Variants in RNF145 observed in about 807,000 individuals in gnomAD.
RNF145 encodes ring finger protein 145.
RNF145 carries 12 observed loss-of-function variants against 57.3 expected under a neutral mutation model. The ratio of observed to expected loss-of-function variants is 0.21; its 90% CI spans 0.13 to 0.34. The LOEUF (loss-of-function observed/expected upper bound fraction) is 0.34, where lower values mean the gene tolerates loss of function less well. RNF145 is among the 10% of genes least tolerant of loss of function. RNF145 has a pLI of 1.00. For missense variants in RNF145, 429 were observed against 799.0 expected (o/e 0.54, Z 5.58); for synonymous variants, 262 against 288.3 (o/e 0.91, Z 0.92).
At chr5:159,208,228 C>A (rs1785971301) in intron 1 of RNF145, 2 of 1,099,876 alleles carry the variant, frequency 1.8e-6, no homozygotes, top group African/African-American at 1.6e-5. Flanking sequence ...AGCAACCGGG[C>A]CGCCGCCGCC....
chr5:159,195,233 C>G (rs757985448), intron 2 of RNF145, among the ~76,000 whole-genome samples: 3 of 152,118 alleles, frequency 2.0e-5, no homozygotes, highest in Non-Finnish European at 2.9e-5. Context: ...TTTCTCCAAC[C>G]CCTGAAGACT....
At chr5:159,205,689 TA>T (rs1785854208) in intron 1 of RNF145, among the ~76,000 whole-genome samples, 4 of 152,222 alleles carry the variant, frequency 2.6e-5, no homozygotes. Flanking sequence ...TGACAGTCTT[TA>T]TACTGCCATC....
chr5:159,160,637 T>C (rs1207689399), intron 10 of RNF145, among the ~76,000 whole-genome samples: 4 of 152,234 alleles, frequency 2.6e-5, no homozygotes, highest in South Asian at 2.1e-4. Context: ...TGTTGTTTTA[T>C]TTCCAAAGTG....
At chr5:159,192,764 C>T (rs968228420) in intron 3 of RNF145, among the ~76,000 whole-genome samples, 6 of 152,148 alleles carry the variant, frequency 3.9e-5, no homozygotes, top group Non-Finnish European at 7.3e-5. Flanking sequence ...AAATGACACC[C>T]AAGGTTATGG....
chr5:159,188,735 A>C (rs1159867545), intron 3 of RNF145, among the ~76,000 whole-genome samples: 1 of 152,200 alleles, frequency 6.6e-6, no homozygotes, highest in Non-Finnish European at 1.5e-5. Flanking sequence ...CTGACATTTA[A>C]TTCTTCCAAA....
chr5:159,164,038 G>A (rs541281369), intron 8 of RNF145, among the ~76,000 whole-genome samples: 1 of 152,140 alleles, frequency 6.6e-6, no homozygotes, highest in Non-Finnish European at 1.5e-5. Flanking sequence ...ATCTCAAAGA[G>A]ACACAAATAA....
intron 2 of RNF145, among the ~76,000 whole-genome samples, chr5:159,200,351 G>A (rs1372539088): frequency 1.3e-5 from 2 of 152,056 alleles, no homozygotes; most frequent in African/African-American, 4.8e-5. Context: ...ATAAGACAGC[G>A]TGTTAATAGT....
At chr5:159,209,560 C>T (rs1786037867), upstream of RNF145, 4 of 991,794 alleles carry the variant, frequency 4.0e-6, no homozygotes, top group Admixed American at 6.1e-5. Context: ...CTGCGGCGGC[C>T]GCGGCCCGAC....
chr5:159,163,969 T>G (rs1423900599), intron 8 of RNF145, among the ~76,000 whole-genome samples: 1 of 152,178 alleles, frequency 6.6e-6, no homozygotes, highest in African/African-American at 2.4e-5. Flanking sequence ...TACAAAAAAA[T>G]TTAAGCTGTT....
At chr5:159,170,979 G>A (rs1268878664) in intron 6 of RNF145, among the ~76,000 whole-genome samples, 1 of 152,118 alleles carries the variant, frequency 6.6e-6, no homozygotes, top group Admixed American at 6.5e-5. Context: ...ATCAATGCTT[G>A]TCCCTTACTA....
rs1240677244 is a variant in RNF145 at position 159,165,517 on chromosome 5, C to A, written c.1122-2438G>T. Among the ~76,000 whole-genome samples, 5 of 35,374 alleles carry A rather than the reference C, an allele frequency of 1.4e-4. 2 individuals are homozygous for A. The East Asian group carries it at 2.2e-3, about 15-fold the overall frequency. 23.2% of individuals were successfully genotyped at this position (35,374 alleles called of 152,430 possible). A position where few individuals can be genotyped will look rare whatever the true frequency, so the allele number is the denominator to read the frequency against. On this transcript the variant is annotated intron_variant, in intron 8 of 10. Coordinates refer to ENST00000424310, the MANE Select transcript of RNF145 (RefSeq NM_001199383.2). Reference sequence around the variant, plus strand: ...CTAAAACGGTGAAACCCCGTCTCTACTAAAAATACAAAAAAATTAGCCGGG... The same window carrying A: ...CTAAAACGGTGAAACCCCGTCTCTAATAAAAATACAAAAAAATTAGCCGGG...
intron 6 of RNF145, 107 bp downstream of exon 6, chr5:159,173,876 A>G (rs1248045527): frequency 9.3e-6 from 7 of 755,392 alleles, no homozygotes; most frequent in Non-Finnish European, 1.4e-5. Flanking sequence ...CAAAATACGA[A>G]GTTGTGTAAC....
chr5:159,164,092 G>A (rs1784318870), intron 8 of RNF145, among the ~76,000 whole-genome samples: 1 of 152,142 alleles, frequency 6.6e-6, no homozygotes, highest in South Asian at 2.1e-4. Flanking sequence ...TAGTCAGGAA[G>A]TAAAAGTTAC....
intron 1 of RNF145, chr5:159,208,141 C>A (rs1785965217): frequency 1.4e-6 from 2 of 1,423,666 alleles, no homozygotes; most frequent in East Asian, 5.2e-5. Flanking sequence ...ACAACGCCTG[C>A]AGATCTCAGA....
At chr5:159,169,196 A>G (rs1584669394) in intron 7 of RNF145, 141 bp from the exon 8 acceptor site, 1 of 614,246 alleles carries the variant, frequency 1.6e-6, no homozygotes, top group Non-Finnish European at 2.7e-6. Context: ...AAACCTGATC[A>G]GTATATTAAC....
chr5:159,198,058 G>A (rs1026611241), intron 2 of RNF145, among the ~76,000 whole-genome samples: 3 of 151,560 alleles, frequency 2.0e-5, no homozygotes, highest in Non-Finnish European at 4.4e-5. Flanking sequence ...TGGGTAACAC[G>A]GCAAATTCCT....
intron 3 of RNF145, among the ~76,000 whole-genome samples, chr5:159,188,466 C>G (rs944911846): frequency 6.6e-6 from 1 of 151,908 alleles, no homozygotes; most frequent in Non-Finnish European, 1.5e-5. Context: ...TGACCACACC[C>G]TCACAGGAAT....
chr5:159,200,328 A>T (rs1215687375), intron 2 of RNF145, among the ~76,000 whole-genome samples: 3 of 152,200 alleles, frequency 2.0e-5, no homozygotes, highest in African/African-American at 7.2e-5. Context: ...AATATAATCT[A>T]AACCCTCAAC....
chr5:159,169,939 C>A (rs956085686), intron 6 of RNF145, 120 bp from the exon 7 acceptor site: 18 of 729,534 alleles, frequency 2.5e-5, no homozygotes, highest in African/African-American at 3.7e-5. Flanking sequence ...CATCCTAAAC[C>A]AAAATTTGAG....
Sources: gnomAD v4.1 joint callset for allele counts (sites outside exome capture counted in the v4.1 genomes callset) on GRCh38, gnomAD v4.1.1 for gene constraint, MANE v1.5 for transcripts, NCBI Gene and HGNC (gene_info 2026-07-23, HGNC 2026-07-21) for gene names.